MECOM: variants seen among roughly 807,000 people sequenced by gnomAD.
MECOM encodes the protein MDS1 and EVI1 complex locus.
A neutral mutation model predicts 116.3 loss-of-function variants in MECOM; 13 were observed. The ratio of observed to expected loss-of-function variants is 0.11; its 90% CI spans 0.07 to 0.18. The LOEUF (loss-of-function observed/expected upper bound fraction) is 0.18. MECOM is among the 10% of genes least tolerant of loss of function. The probability of loss-of-function intolerance (pLI) is 1.00; values close to 1 mark genes in which losing one functional copy is unlikely to be tolerated. For synonymous variants in MECOM, 528 were observed against 535.2 expected (o/e 0.99, Z 0.19); for missense variants, 1,299 against 1,509.0 (o/e 0.86, Z 2.31).
At chr3:169,266,112 C>T (rs1008204237) in intron 2 of MECOM, among the ~76,000 whole-genome samples, 1 of 152,172 alleles carries the variant, frequency 6.6e-6, no homozygotes, top group Non-Finnish European at 1.5e-5. Flanking sequence ...TAATTTCCTA[C>T]TCTAAATAAT....
Position 169,596,419 on chromosome 3 carries a change from C to A in MECOM, c.37+66917G>T, listed in dbSNP as rs556683534. ...CTGAAAGTACATTATTAATTGAAAT[C>A]CTTGGTTAGTTCCTCCTTGTAGACC... On this transcript the variant is annotated intron_variant, in intron 1 of 16. Transcript: ENST00000651503. Among the ~76,000 whole-genome samples the A allele has an allele frequency of 5.9e-5, 9 of 152,266 alleles. No homozygotes were observed. In the South Asian group the frequency reaches 1.9e-3, roughly 32 times the overall value.
At chr3:169,575,190 A>G (rs1320970914) in intron 1 of MECOM, among the ~76,000 whole-genome samples, 2 of 152,190 alleles carry the variant, frequency 1.3e-5, no homozygotes, top group African/African-American at 4.8e-5. Context: ...AAAGACCCTC[A>G]GTTTCACAGC....
intron 1 of MECOM, among the ~76,000 whole-genome samples, chr3:169,447,199 G>T (rs1043582465): frequency 6.6e-6 from 1 of 152,054 alleles, no homozygotes; most frequent in East Asian, 1.9e-4. Flanking sequence ...AATTCCCAAG[G>T]GTGGAAGAAT....
intron 1 of MECOM, among the ~76,000 whole-genome samples, chr3:169,545,060 A>C (rs1760555965): frequency 6.6e-6 from 1 of 152,104 alleles, no homozygotes; most frequent in Non-Finnish European, 1.5e-5. Context: ...TTTTTAATTA[A>C]AAAAAAGAAA....
intron 1 of MECOM, among the ~76,000 whole-genome samples, chr3:169,410,900 A>G (rs948427616): frequency 1.3e-5 from 2 of 152,168 alleles, no homozygotes; most frequent in Non-Finnish European, 2.9e-5. Flanking sequence ...AGCAAAAATT[A>G]AAAGGACTTA....
At chr3:169,342,055 A>G (rs1051150452) in intron 2 of MECOM, among the ~76,000 whole-genome samples, 3 of 152,054 alleles carry the variant, frequency 2.0e-5, no homozygotes, top group Non-Finnish European at 2.9e-5. Context: ...TCAAAATAGC[A>G]TGTTCTCAAT....
chr3:169,526,253 C>T (rs1010050276), intron 1 of MECOM, among the ~76,000 whole-genome samples: 3 of 152,128 alleles, frequency 2.0e-5, no homozygotes, highest in Non-Finnish European at 4.4e-5. Context: ...TTGAGTAAGC[C>T]AGTCAGGTTC....
chr3:169,101,439 A>G (rs574800347), intron 11 of MECOM, among the ~76,000 whole-genome samples: 4 of 152,194 alleles, frequency 2.6e-5, no homozygotes, highest in Non-Finnish European at 5.9e-5. Context: ...CCATCAAGGT[A>G]TGTACCCATA....
chr3:169,305,311 G>T (rs1717466559), intron 2 of MECOM, among the ~76,000 whole-genome samples: 1 of 152,102 alleles, frequency 6.6e-6, no homozygotes, highest in African/African-American at 2.4e-5. Context: ...ATAAGGAGGT[G>T]GAAAAGGTAG....
chr3:169,524,048 A>G (rs1291259875), intron 1 of MECOM, among the ~76,000 whole-genome samples: 1 of 146,368 alleles, frequency 6.8e-6, no homozygotes, highest in African/African-American at 2.5e-5. Flanking sequence ...AAATATATAT[A>G]TATATATATA....
intron 2 of MECOM, among the ~76,000 whole-genome samples, chr3:169,331,867 G>C (rs1183585458): frequency 6.6e-6 from 1 of 151,928 alleles, no homozygotes; most frequent in Non-Finnish European, 1.5e-5. Flanking sequence ...CCTCAAAGAG[G>C]CTTTTGATTC....
At chr3:169,553,960 A>G (rs574939860) in intron 1 of MECOM, among the ~76,000 whole-genome samples, 7 of 151,244 alleles carry the variant, frequency 4.6e-5, no homozygotes, top group Admixed American at 1.3e-4. Context: ...CGGCTTCAAT[A>G]TATGAATTTG....
chr3:169,638,941 G>A (rs145253694), intron 1 of MECOM, among the ~76,000 whole-genome samples: 161 of 152,246 alleles, frequency 1.1e-3, no homozygotes, highest in African/African-American at 3.7e-3. Context: ...TGTGATGTGT[G>A]TCATTTCTGA....
chr3:169,658,959 C>T (rs945595840), intron 1 of MECOM, among the ~76,000 whole-genome samples: 3 of 151,558 alleles, frequency 2.0e-5, no homozygotes, highest in African/African-American at 4.8e-5. Context: ...CTTCCTGCCC[C>T]AGGTCACAAC....
intron 1 of MECOM, among the ~76,000 whole-genome samples, chr3:169,424,302 T>G (rs962287599): frequency 6.6e-6 from 1 of 152,122 alleles, no homozygotes; most frequent in Non-Finnish European, 1.5e-5. Flanking sequence ...GTTTAAAAGC[T>G]GAAAATAGCA....
Position 169,553,116 on chromosome 3 carries a change from A to T in MECOM, c.37+110220T>A, listed in dbSNP as rs565002513. On this transcript the variant is annotated intron_variant, in intron 1 of 16. Coordinates refer to ENST00000651503, the MANE Select transcript of MECOM (RefSeq NM_004991.4). ...ATTCTGTTCATTCTACCTTAGACTC[A>T]AGAAATCATTCCTTACATGATTTTT... is the stretch of plus-strand genomic sequence containing the variant. 7.2e-5 allele frequency among the ~76,000 whole-genome samples: 11 copies of T among 152,282 alleles called. No individual in the cohort carries two copies. The South Asian group carries it at 2.3e-3, about 32-fold the overall frequency.
At chr3:169,493,874 T>C (rs1753468012) in intron 1 of MECOM, among the ~76,000 whole-genome samples, 1 of 151,990 alleles carries the variant, frequency 6.6e-6, no homozygotes, top group Non-Finnish European at 1.5e-5. Context: ...GAAGGAACCA[T>C]AGAGAGATTG....
intron 1 of MECOM, among the ~76,000 whole-genome samples, chr3:169,433,661 G>GAAAGAA (rs1429567516): frequency 1.5e-5 from 2 of 137,378 alleles, no homozygotes; most frequent in Admixed American, 1.9e-4. Context: ...AAGAAAGAAA[G>GAAAGAA]AAAGAAAGAA....
At chr3:169,413,796 C>T (rs1738027216) in intron 1 of MECOM, among the ~76,000 whole-genome samples, 2 of 152,186 alleles carry the variant, frequency 1.3e-5, no homozygotes, top group Non-Finnish European at 2.9e-5. Context: ...CACAGCCCAC[C>T]TCAGTGCAGC....
Sources: allele counts gnomAD v4.1 joint callset (sites outside exome capture counted in the v4.1 genomes callset), GRCh38; gene constraint gnomAD v4.1.1; transcripts MANE v1.5; gene names NCBI Gene and HGNC (gene_info 2026-07-23, HGNC 2026-07-21).